TMEM273: variants seen among roughly 807,000 people sequenced by gnomAD.
The protein encoded by TMEM273 is transmembrane protein 273.
TMEM273 carries 19 observed loss-of-function variants against 17.9 expected under a neutral mutation model. That is an observed-to-expected ratio of 1.06 (90% CI 0.74 to 1.55). TMEM273 has a LOEUF of 1.55. Among genes scored for constraint, TMEM273 ranks in the 40% most tolerant of loss-of-function variants. The pLI is 0.00. For missense variants in TMEM273, 194 were observed against 155.6 expected, an observed-to-expected ratio of 1.25 and a Z score of -1.31; for synonymous variants, 66 against 62.0, an observed-to-expected ratio of 1.07 and a Z score of -0.31.
chr10:49,165,526 T>C (rs183616886), intron 4 of TMEM273, among the ~76,000 whole-genome samples: 88 of 152,314 alleles, frequency 5.8e-4, no homozygotes, highest in South Asian at 2.1e-3. Context: ...TAATCCAGGC[T>C]ATGCAGAGGC....
Position 49,177,681 on chromosome 10 carries a change from G to A in TMEM273, c.44-9719C>T, listed in dbSNP as rs149354960. ...TACAAACTGACCAAAGTATCTTAAT[G>A]TGTCACATGTGACTCAACAATCAGG... On this transcript the variant is annotated intron_variant, in intron 1 of 6. Coordinates refer to ENST00000374153, the MANE Select transcript of TMEM273 (RefSeq NM_001288740.3). Among the ~76,000 whole-genome samples, 680 of 152,344 alleles carry A rather than the reference G, an allele frequency of 4.5e-3. 3 individuals carry two copies. Among genetic ancestry groups the A allele is most frequent in the Middle Eastern group, 0.01 (3 of 294 alleles).
chr10:49,164,164 CA>C (rs1353772020), intron 5 of TMEM273, among the ~76,000 whole-genome samples: 1 of 152,056 alleles, frequency 6.6e-6, no homozygotes, highest in African/African-American at 2.4e-5. Flanking sequence ...TCACCATGTT[CA>C]AAAAAATATC....
At chr10:49,169,029 C>T (rs1846384084) in intron 1 of TMEM273, among the ~76,000 whole-genome samples, 1 of 152,136 alleles carries the variant, frequency 6.6e-6, no homozygotes, top group South Asian at 2.1e-4. Flanking sequence ...TGCTAATTTG[C>T]CCAAGAGCCA....
chr10:49,155,955 T>C, intron 6 of TMEM273, 46 bp from the exon 7 acceptor site: 1 of 1,613,570 alleles, frequency 6.2e-7, no homozygotes, highest in Non-Finnish European at 8.5e-7. Context: ...AGAGAGCAAC[T>C]ATACTCTAAT....
In TMEM273 at chr10:49,188,343, G is replaced by A. The variant is rs17009534; in HGVS notation, c.-7C>T. 18,958 of 1,614,098 alleles carry A rather than the reference G, an allele frequency of 0.012. 741 individuals are homozygous for A. Among genetic ancestry groups the A allele is most frequent in the South Asian group, 0.092 (8,367 of 91,066 alleles). ...TGCTGACCCCCAAGTTCATGCTGGC[G>A]CTCTGCTCTTGGCTCCTGGCTCCTG... On this transcript the variant is annotated 5_prime_UTR_variant, in exon 1 of 7. Coordinates refer to ENST00000374153, the MANE Select transcript of TMEM273 (RefSeq NM_001288740.3).
intron 1 of TMEM273, among the ~76,000 whole-genome samples, chr10:49,186,076 A>AAGAAG (rs1847677181): frequency 7.1e-6 from 1 of 141,292 alleles, no homozygotes; most frequent in Non-Finnish European, 1.5e-5. Flanking sequence ...GAGGAAGAAG[A>AAGAAG]AGAAGAAGAA....
At chr10:49,166,464 G>A (rs983979232) in intron 3 of TMEM273, 11 of 274,598 alleles carry the variant, frequency 4.0e-5, no homozygotes, top group Non-Finnish European at 6.4e-5. Flanking sequence ...TACTGGGACT[G>A]GGTTTATTTG....
intron 1 of TMEM273, among the ~76,000 whole-genome samples, chr10:49,168,765 G>A (rs1846366296): frequency 1.3e-5 from 2 of 152,068 alleles, no homozygotes; most frequent in Admixed American, 1.3e-4. Flanking sequence ...CATGCTGTAA[G>A]GGTCCCTCCC....
chr10:49,176,905 A>G (rs1424383131), intron 1 of TMEM273, among the ~76,000 whole-genome samples: 1 of 152,258 alleles, frequency 6.6e-6, no homozygotes, highest in African/African-American at 2.4e-5. Flanking sequence ...AGCCTACAGC[A>G]TGCCACATGT....
rs139773718 is a variant in TMEM273 at position 49,165,969 on chromosome 10, G to A, written c.239-173C>T. On this transcript the variant is annotated intron_variant, in intron 3 of 6. Transcript: ENST00000374153. ...GCTGTTTCCTCCCCTTATTTGTGGG[G>A]ATACACAAGGATAAGCAAACTCAAG... 8.4e-3 allele frequency among the ~76,000 whole-genome samples: 1,276 copies of A among 152,236 alleles called. 12 individuals carry two copies. Among genetic ancestry groups the A allele is most frequent in the Middle Eastern group, 0.017 (5 of 294 alleles).
chr10:49,168,681 G>A (rs1846352274), intron 1 of TMEM273, among the ~76,000 whole-genome samples: 1 of 111,654 alleles, frequency 9.0e-6, no homozygotes, highest in African/African-American at 3.8e-5. Flanking sequence ...AGAAAGGAAG[G>A]AAGGAAGGAA....
At chr10:49,182,067 T>C (rs1315284046) in intron 1 of TMEM273, among the ~76,000 whole-genome samples, 5 of 152,204 alleles carry the variant, frequency 3.3e-5, no homozygotes, top group African/African-American at 1.2e-4. Context: ...TCAGGAAGTA[T>C]CTCTTGCCTA....
chr10:49,167,790 CT>C, intron 2 of TMEM273, 118 bp downstream of exon 2: 1 of 1,351,544 alleles, frequency 7.4e-7, no homozygotes, highest in Non-Finnish European at 1.0e-6. Flanking sequence ...GAGGGTGCCC[CT>C]TTTCCTATGC....
At chr10:49,179,709 G>C (rs1449237158) in intron 1 of TMEM273, among the ~76,000 whole-genome samples, 1 of 152,168 alleles carries the variant, frequency 6.6e-6, no homozygotes, top group African/African-American at 2.4e-5. Flanking sequence ...TGAATTTCTG[G>C]GTTTTCTTTT....
At chr10:49,186,066 G>GAAGAAGAAGAAGAAGA (rs59494117) in intron 1 of TMEM273, among the ~76,000 whole-genome samples, 2 of 137,970 alleles carry the variant, frequency 1.4e-5, no homozygotes, top group East Asian at 4.2e-4. Context: ...AGAAGAAGAA[G>GAAGAAGAAGAAGAAGA]AGGAAGAAGA....
rs563051161 is a variant in TMEM273, at chr10:49,176,973, C to T, written c.44-9011G>A. Among the ~76,000 whole-genome samples, 7 of 152,378 alleles carry T rather than the reference C, an allele frequency of 4.6e-5. No homozygotes were observed. In the South Asian group the frequency reaches 1.2e-3, roughly 27 times the overall value. On this transcript the variant is annotated intron_variant, in intron 1 of 6. Coordinates refer to ENST00000374153, the MANE Select transcript of TMEM273 (RefSeq NM_001288740.3). ...CATGGTCCAGCCGAAGTCCCCCTGA[C>T]CCCATGGCCCTGCAGTCCATTCTTC...
In TMEM273 at chr10:49,164,619, C is replaced by T. The variant is rs182064928; in HGVS notation, c.348+586G>A. ...ATCTCTCCAGCGCTTCCTTCCATAT[C>T]GTCACATGAAACACTTGCTTCTGCC... On this transcript the variant is annotated intron_variant, in intron 5 of 6. Coordinates refer to ENST00000374153, the MANE Select transcript of TMEM273 (RefSeq NM_001288740.3). Among the ~76,000 whole-genome samples, 226 of 152,318 alleles carry T rather than the reference C, an allele frequency of 1.5e-3. 1 individual carries two copies. The highest frequency in any genetic ancestry group is 5.4e-3 in the African/African-American group (223 of 41,552).
At chr10:49,170,422 AG>A (rs907049007) in intron 1 of TMEM273, among the ~76,000 whole-genome samples, 27 of 152,010 alleles carry the variant, frequency 1.8e-4, no homozygotes, top group African/African-American at 6.0e-4. Context: ...CCCCTGGCTG[AG>A]GTTCAGCTCA....
intron 1 of TMEM273, among the ~76,000 whole-genome samples, chr10:49,173,129 C>T (rs1846691158): frequency 6.6e-6 from 1 of 152,240 alleles, no homozygotes; most frequent in Admixed American, 6.5e-5. Flanking sequence ...GAAGTCCCTG[C>T]TGAAGAAGGT....
Sources: allele counts gnomAD v4.1 joint callset (sites outside exome capture counted in the v4.1 genomes callset), GRCh38; gene constraint gnomAD v4.1.1; transcripts MANE v1.5; gene names NCBI Gene and HGNC (gene_info 2026-07-23, HGNC 2026-07-21).